Variants in COX15 observed in about 807,000 individuals in gnomAD.
The protein encoded by COX15 is cytochrome c oxidase assembly factor COX15.
Under a neutral mutation model 51.9 loss-of-function variants are expected in COX15, and 51 were observed. The observed-to-expected ratio is 0.98, with a 90% CI of 0.78 to 1.24. COX15 has a LOEUF of 1.24. Ranked by LOEUF, COX15 falls within the 50% of genes most tolerant of loss-of-function variation. COX15 has a pLI of 0.00. For synonymous variants in COX15, 188 were observed against 190.5 expected (o/e 0.99, Z 0.11); for missense variants, 420 against 501.1 (o/e 0.84, Z 1.55).
intron 7 of COX15, among the ~76,000 whole-genome samples, chr10:99,717,499 T>C (rs1390786329): frequency 6.6e-6 from 1 of 152,016 alleles, no homozygotes; most frequent in Non-Finnish European, 1.5e-5. Context: ...GCATGAGCCA[T>C]TGCGCCCAGT....
At chr10:99,707,410 G>C (rs759152794), downstream of COX15, among the ~76,000 whole-genome samples, 22 of 152,190 alleles carry the variant, frequency 1.4e-4, 1 homozygote, top group Admixed American at 1.0e-3. Flanking sequence ...TCCTTGCTGA[G>C]AGCCAATTAC....
intron 5 of COX15, among the ~76,000 whole-genome samples, chr10:99,722,071 G>A (rs1304117023): frequency 4.6e-5 from 7 of 151,960 alleles, no homozygotes; most frequent in Admixed American, 4.6e-4. Context: ...TCACTATGTT[G>A]GCCAGGCTGG....
chr10:99,698,267 C>T, the COX15 span, among the ~76,000 whole-genome samples: 1 of 152,206 alleles, frequency 6.6e-6, no homozygotes, highest in African/African-American at 2.4e-5. Flanking sequence ...ACAGCAGATT[C>T]ACATCTCCAA....
In COX15 at chr10:99,714,351, A is replaced by C. The variant is rs2036499091; in HGVS notation, c.*236T>G. ...AAATGGCAGACATTTCTTTCTCTAC[A>C]TTAAAACTGATTTTCAACATGAAAA... On this transcript the variant is annotated 3_prime_UTR_variant, in exon 9 of 9. Transcript: ENST00000016171. 2 of 1,319,222 alleles carry C rather than the reference A, an allele frequency of 1.5e-6. No individual in the cohort carries two copies. The highest frequency in any genetic ancestry group is 3.0e-5 in the African/African-American group (2 of 66,826). The allele number at this position is 1,319,222 out of a possible 1,614,324, so 81.7% of individuals were successfully genotyped here.
intron 5 of COX15, chr10:99,723,057 G>A (rs1036800891): frequency 3.3e-5 from 5 of 151,838 alleles, no homozygotes; most frequent in African/African-American, 1.2e-4. Flanking sequence ...TGGATGATTC[G>A]ACTTAAGAGT....
At chr10:99,710,059 C>A (rs946865443), downstream of COX15, 1 of 985,418 alleles carries the variant, frequency 1.0e-6, no homozygotes, top group South Asian at 4.7e-5. Flanking sequence ...TGCATGACTT[C>A]AGGCTAGCAT....
intron 1 of COX15, 111 bp from the exon 2 acceptor site, chr10:99,729,845 CTTG>C (rs1351763105): frequency 6.7e-6 from 7 of 1,038,918 alleles, no homozygotes; most frequent in African/African-American, 6.3e-5. Flanking sequence ...ACAGCCATGT[CTTG>C]TTAAGTCATC....
At chr10:99,715,511 A>G (rs2036540867) in intron 8 of COX15, among the ~76,000 whole-genome samples, 2 of 43,176 alleles carry the variant, frequency 4.6e-5, no homozygotes, top group Non-Finnish European at 6.2e-5. Context: ...TTCTCATACA[A>G]AAGGTCTTTG....
rs757956450 is a variant in COX15, at chr10:99,729,715, G to A, written c.110C>T (p.Pro37Leu). The A allele has an allele frequency of 1.9e-6, 3 of 1,614,136 alleles. No homozygotes were observed. Among genetic ancestry groups the A allele is most frequent in the Non-Finnish European group, 2.5e-6 (3 of 1,180,030 alleles). Residue 37 changes from proline (P) to leucine (L), a missense_variant, in exon 2 of 9, where the codon CCT (proline) becomes CTT (leucine). Coordinates refer to ENST00000016171, the MANE Select transcript of COX15 (RefSeq NM_078470.6). ...GGTGCTGTATTGCCCTGGCCTCAAA[G>A]GGCGCCTGATGCAATCACACTAAAG... The part of the protein sequence containing the change: ...PRAQCDCIRR[P>L]LRPGQYSTIS...
chr10:99,727,242 C>T, intron 3 of COX15, 88 bp from the exon 4 acceptor site: 1 of 1,510,532 alleles, frequency 6.6e-7, no homozygotes, highest in Non-Finnish European at 9.1e-7. Flanking sequence ...CTTTCTTTCT[C>T]AGTCCTGCAA....
At chr10:99,720,359 C>T (rs1484169106) in intron 6 of COX15, among the ~76,000 whole-genome samples, 1 of 152,068 alleles carries the variant, frequency 6.6e-6, no homozygotes, top group Non-Finnish European at 1.5e-5. Flanking sequence ...GCACGAGAAT[C>T]GCTTGGATTT....
chr10:99,699,313 G>A, the COX15 span, among the ~76,000 whole-genome samples: 1 of 152,266 alleles, frequency 6.6e-6, no homozygotes, highest in African/African-American at 2.4e-5. Context: ...AGTGGTATGG[G>A]GTCCCTGGGA....
the COX15 span, among the ~76,000 whole-genome samples, chr10:99,703,746 T>C: frequency 6.6e-6 from 1 of 152,222 alleles, no homozygotes; most frequent in African/African-American, 2.4e-5. Flanking sequence ...AGACAGGGTC[T>C]TGCTCTGTTG....
At chr10:99,729,328 G>A (rs559313292) in intron 2 of COX15, among the ~76,000 whole-genome samples, 1 of 152,058 alleles carries the variant, frequency 6.6e-6, no homozygotes, top group Non-Finnish European at 1.5e-5. Flanking sequence ...CAGATATGGT[G>A]GCACGCGCCT....
chr10:99,712,527 G>A lies in COX15; in HGVS notation c.*2060C>T, dbSNP rs886046606. The A allele has an allele frequency of 2.1e-4, 209 of 985,234 alleles. 1 individual carries two copies. Among genetic ancestry groups the A allele is most frequent in the Non-Finnish European group, 2.4e-4 (200 of 829,896 alleles). The allele number at this position is 985,234 out of a possible 1,614,324, so 61.0% of individuals were successfully genotyped here. On this transcript the variant is annotated 3_prime_UTR_variant, in exon 9 of 9. Transcript: ENST00000016171. Reference sequence around the variant, plus strand: ...CTTTTTGCTTTGTAAATGAGGTCAAGGATGAAATCCAGATGTTCTTCCTTT... The same window carrying A: ...CTTTTTGCTTTGTAAATGAGGTCAAAGATGAAATCCAGATGTTCTTCCTTT...
downstream of COX15, chr10:99,709,458 G>A (rs2036316043): frequency 4.1e-6 from 4 of 985,152 alleles, no homozygotes; most frequent in Non-Finnish European, 4.8e-6. Context: ...GGATTTTCCT[G>A]GTGTTACAAA....
At chr10:99,700,927 T>C in the COX15 span, 2 of 1,499,408 alleles carry the variant, frequency 1.3e-6, no homozygotes, top group South Asian at 1.1e-5. Context: ...AGGTAGAGAG[T>C]TTGCCTCCAA....
At chr10:99,709,420 T>C, downstream of COX15, 1 of 985,452 alleles carries the variant, frequency 1.0e-6, no homozygotes. Context: ...TAGCTCCAGA[T>C]TCCAGCCCCT....
chr10:99,697,199 C>T, the COX15 span, among the ~76,000 whole-genome samples: 1 of 151,970 alleles, frequency 6.6e-6, no homozygotes, highest in South Asian at 2.1e-4. Flanking sequence ...ATCCTGGTGC[C>T]CTGGATGATT....
Sources: gnomAD v4.1 joint callset for allele counts (sites outside exome capture counted in the v4.1 genomes callset) on GRCh38, gnomAD v4.1.1 for gene constraint, MANE v1.5 for transcripts, NCBI Gene and HGNC (gene_info 2026-07-23, HGNC 2026-07-21) for gene names.